TIAM1: variants seen among roughly 807,000 people sequenced by gnomAD.
TIAM1 encodes TIAM Rac1 associated GEF 1.
A neutral mutation model predicts 163.5 loss-of-function variants in TIAM1; 65 were observed. The ratio of observed to expected loss-of-function variants is 0.40; its 90% CI spans 0.33 to 0.49. The LOEUF (loss-of-function observed/expected upper bound fraction) is 0.49, where lower values mean the gene tolerates loss of function less well. TIAM1 is among the 20% of genes least tolerant of loss of function. The pLI is 0.77. For synonymous variants in TIAM1, 833 were observed against 810.1 expected (o/e 1.03, Z -0.48); for missense variants, 1,789 against 2,044.7 (o/e 0.87, Z 2.41).
chr21:31,309,125 C>T (rs544690023), intron 2 of TIAM1, among the ~76,000 whole-genome samples: 3 of 152,266 alleles, frequency 2.0e-5, no homozygotes, highest in African/African-American at 7.2e-5. Flanking sequence ...TTAACATATT[C>T]TGTCAAAGAC....
chr21:31,348,049 T>G (rs985125861), upstream of TIAM1, among the ~76,000 whole-genome samples: 2 of 152,258 alleles, frequency 1.3e-5, no homozygotes, highest in Non-Finnish European at 2.9e-5. Flanking sequence ...AGAGTTTATT[T>G]AAGCATATTC....
chr21:31,397,977 G>C (rs987590505), intron 2 of TIAM1, among the ~76,000 whole-genome samples: 10 of 151,956 alleles, frequency 6.6e-5, no homozygotes, highest in African/African-American at 1.9e-4. Flanking sequence ...GCCTGCCCCT[G>C]TGCAGATCTG....
chr21:31,450,340 G>A (rs1458794467), intron 2 of TIAM1, among the ~76,000 whole-genome samples: 1 of 152,158 alleles, frequency 6.6e-6, no homozygotes, highest in Non-Finnish European at 1.5e-5. Flanking sequence ...TTGACTTTCT[G>A]CAAGAAGCAG....
At chr21:31,402,629 C>A (rs1188288572) in intron 2 of TIAM1, among the ~76,000 whole-genome samples, 1 of 152,040 alleles carries the variant, frequency 6.6e-6, no homozygotes, top group Admixed American at 6.6e-5. Context: ...AGTATTTCCC[C>A]CCTCAGTTTC....
intron 6 of TIAM1, among the ~76,000 whole-genome samples, chr21:31,229,937 G>T (rs1004316467): frequency 2.0e-5 from 3 of 152,190 alleles, no homozygotes; most frequent in Non-Finnish European, 2.9e-5. Context: ...ACAAGCGTGA[G>T]CTACCGCGCC....
intron 25 of TIAM1, among the ~76,000 whole-genome samples, chr21:31,127,609 G>T (rs375611673): frequency 6.6e-6 from 1 of 151,904 alleles, no homozygotes; most frequent in Non-Finnish European, 1.5e-5. Flanking sequence ...GTAGAGACAG[G>T]GTTTCACCAT....
intron 2 of TIAM1, among the ~76,000 whole-genome samples, chr21:31,369,828 T>C (rs1023364141): frequency 2.6e-5 from 4 of 152,010 alleles, no homozygotes; most frequent in African/African-American, 9.7e-5. Context: ...TCTCTACTAA[T>C]ACAAAAATTA....
chr21:31,537,798 A>T (rs1466811685), intron 1 of TIAM1, among the ~76,000 whole-genome samples: 1 of 152,106 alleles, frequency 6.6e-6, no homozygotes, highest in Admixed American at 6.6e-5. Flanking sequence ...ACCCAAGAGG[A>T]TAGAAAACTA....
intron 12 of TIAM1, among the ~76,000 whole-genome samples, chr21:31,198,474 T>G (rs560661589): frequency 1.4e-4 from 22 of 152,286 alleles, no homozygotes; most frequent in African/African-American, 5.1e-4. Context: ...TACTGATACA[T>G]TTACAAATGA....
At chr21:31,421,863 G>A (rs1050248341) in intron 2 of TIAM1, among the ~76,000 whole-genome samples, 10 of 152,010 alleles carry the variant, frequency 6.6e-5, no homozygotes, top group Middle Eastern at 3.2e-3. Flanking sequence ...GGTAGTGCAC[G>A]CCAGTACTCC....
In TIAM1 at chr21:31,252,042, C is replaced by A. The variant is rs1228802572; in HGVS notation, c.1111G>T (p.Gly371Cys). 6.2e-7 allele frequency: 1 copy of A among 1,614,096 alleles called. No homozygotes were observed. Among genetic ancestry groups the A allele is most frequent in the Non-Finnish European group, 8.5e-7 (1 of 1,180,044 alleles). The change falls in exon 5 of 28, where the codon GGC (glycine) becomes TGC (cysteine). Residue 371 changes from glycine (G) to cysteine (C), a missense_variant. Physicochemically the swap from Gly to Cys is radical, Grantham distance 159. Transcript: ENST00000541036. Reference protein sequence around the residue: ...TGRAFVGSDSGSSSTGDAARQ... With the variant: ...TGRAFVGSDSCSSSTGDAARQ... ...GCCGCATCCCCGGTGGAGCTGCTGC[C>A]GCTGTCGCTGCCCACAAAGGCCCGG... is the stretch of plus-strand genomic sequence containing the variant.
At chr21:31,448,890 G>A (rs536755963) in intron 2 of TIAM1, among the ~76,000 whole-genome samples, 3 of 152,252 alleles carry the variant, frequency 2.0e-5, no homozygotes, top group Admixed American at 2.0e-4. Context: ...CTGTGGCCTA[G>A]GTACTTGACC....
Position 31,127,118 on chromosome 21 carries a change from A to G in TIAM1, c.4080T>C (p.His1360=), listed in dbSNP as rs911410139. The stretch of plus-strand genomic sequence containing the variant: ...GCCTCCCTTCAGACTCGGATTTTAC[A>G]TGGACAATTTCACACACGGCATTTG... ...AEANAVCEIV[H]VKSESEGRPE... is the part of the protein sequence containing the mutation. The change falls in exon 26 of 28, where the codon CAT becomes CAC. Residue 1360 remains histidine, a synonymous_variant. Transcript: ENST00000541036. The G allele has an allele frequency of 6.2e-7, 1 of 1,614,070 alleles. No individual in the cohort carries two copies. Among genetic ancestry groups the G allele is most frequent in the South Asian group, 1.1e-5 (1 of 91,088 alleles).
intron 2 of TIAM1, among the ~76,000 whole-genome samples, chr21:31,301,693 A>G (rs1388593296): frequency 6.6e-6 from 1 of 152,004 alleles, no homozygotes; most frequent in Non-Finnish European, 1.5e-5. Flanking sequence ...TATAAAAATT[A>G]GCTGGGCATG....
intron 19 of TIAM1, among the ~76,000 whole-genome samples, chr21:31,150,076 T>G (rs1261169970): frequency 1.3e-5 from 2 of 152,132 alleles, no homozygotes; most frequent in Non-Finnish European, 2.9e-5. Context: ...ATAAAGCAAA[T>G]GTAGCCCAAT....
chr21:31,155,167 T>C (rs2083559657), intron 16 of TIAM1, among the ~76,000 whole-genome samples: 1 of 152,238 alleles, frequency 6.6e-6, no homozygotes, highest in African/African-American at 2.4e-5. Context: ...TGCACACGTT[T>C]TGTCATCCAT....
intron 2 of TIAM1, among the ~76,000 whole-genome samples, chr21:31,325,608 C>CA (rs2075460176): frequency 6.8e-6 from 1 of 147,232 alleles, no homozygotes; most frequent in Non-Finnish European, 1.5e-5. Flanking sequence ...GCAGAGGTTG[C>CA]AGTGAGCCAA....
intron 2 of TIAM1, among the ~76,000 whole-genome samples, chr21:31,407,629 ATTTTTTTTTTTTTT>A (rs562921160): frequency 6.4e-5 from 6 of 94,076 alleles, no homozygotes; most frequent in Non-Finnish European, 1.0e-4. Context: ...TTTGCTCTTA[ATTTTTTTTTTTTTT>A]TTTTTTTTTT....
chr21:31,527,374 G>C (rs2047823802), intron 1 of TIAM1, among the ~76,000 whole-genome samples: 1 of 152,114 alleles, frequency 6.6e-6, no homozygotes, highest in Admixed American at 6.6e-5. Flanking sequence ...ACCACATTTA[G>C]GTGCCTCTCA....
Sources: gnomAD v4.1 joint callset for allele counts (sites outside exome capture counted in the v4.1 genomes callset) on GRCh38, gnomAD v4.1.1 for gene constraint, MANE v1.5 for transcripts, NCBI Gene and HGNC (gene_info 2026-07-23, HGNC 2026-07-21) for gene names.